The following AGAP1 variants were observed in gnomAD, a reference collection of about 807,000 sequenced individuals.
AGAP1 encodes the protein arf-GAP with GTPase, ANK repeat and PH domain-containing protein 1.
In AGAP1, 29 loss-of-function variants were observed where a neutral mutation model predicts 105.3. The observed-to-expected ratio is 0.28, with a 90% CI of 0.21 to 0.38. The LOEUF (loss-of-function observed/expected upper bound fraction) is 0.38, where lower values mean the gene tolerates loss of function less well. Among genes scored for constraint, AGAP1 ranks in the 10% least tolerant of loss-of-function variants. The probability of loss-of-function intolerance (pLI) is 1.00; values close to 1 mark genes in which losing one functional copy is unlikely to be tolerated. For missense variants in AGAP1, 998 were observed against 1,165.1 expected, an observed-to-expected ratio of 0.86 and a Z score of 2.09; for synonymous variants, 509 against 485.9, an observed-to-expected ratio of 1.05 and a Z score of -0.63.
In AGAP1 at chr2:235,903,684, G is replaced by A. The variant is rs556016601; in HGVS notation, c.1156-5054G>A. Among the ~76,000 whole-genome samples the A allele has an allele frequency of 2.6e-5, 4 of 152,256 alleles. No individual in the cohort carries two copies. In the South Asian group the frequency reaches 8.3e-4, roughly 32 times the overall value. ...GGCCATCAGGCACATAGTGGGATCT[G>A]GGATTGCCAAGACAAGATGTACACA... On this transcript the variant is annotated intron_variant, in intron 10 of 17. Coordinates refer to ENST00000304032, the MANE Select transcript of AGAP1 (RefSeq NM_001037131.3).
At chr2:236,047,184 G>A (rs1164907492) in intron 15 of AGAP1, among the ~76,000 whole-genome samples, 1 of 152,206 alleles carries the variant, frequency 6.6e-6, no homozygotes, top group Non-Finnish European at 1.5e-5. Flanking sequence ...GTGAAACGTT[G>A]GCCACAGGGG....
intron 1 of AGAP1, among the ~76,000 whole-genome samples, chr2:235,528,927 C>T (rs1233195873): frequency 3.3e-5 from 5 of 152,152 alleles, no homozygotes; most frequent in East Asian, 3.9e-4. Context: ...CAGCTCACCT[C>T]GGCTTCCCAA....
At position 236,083,578 on chromosome 2, in the gene AGAP1, A is replaced by C. The variant is rs1196227239; in HGVS notation, c.2114+34297A>C. Among the ~76,000 whole-genome samples the C allele has an allele frequency of 1.3e-5, 2 of 152,178 alleles. No homozygotes were observed. The highest frequency in any genetic ancestry group is 2.9e-5 in the Non-Finnish European group (2 of 68,036). Reference sequence around the variant, plus strand: ...TCCGTATAAATGTGTGCATGCTCACACCCATGCCTACATTAGAAAGAGAAG... The same window carrying C: ...TCCGTATAAATGTGTGCATGCTCACCCCCATGCCTACATTAGAAAGAGAAG... On this transcript the variant is annotated intron_variant, in intron 16 of 17. Coordinates refer to ENST00000304032, the MANE Select transcript of AGAP1 (RefSeq NM_001037131.3). This position sits in a 1 kb window ranked among gnomAD's most constrained non-coding sequence, Gnocchi z 5.3.
Position 236,062,283 on chromosome 2 carries a change from C to T in AGAP1, c.2114+13002C>T, listed in dbSNP as rs113779803. ...TCTTTCCTTTTCCTGGGCTAGGAAA[C>T]TCAGGCCTGTGTCTCCCTGAGCCTG... On this transcript the variant is annotated intron_variant, in intron 16 of 17. Transcript: ENST00000304032. The surrounding 1 kb of genome is among the most constrained non-coding windows in gnomAD (Gnocchi z 4.2). 8.9e-3 allele frequency among the ~76,000 whole-genome samples: 1,350 copies of T among 152,222 alleles called. 9 individuals carry two copies. The highest frequency in any genetic ancestry group is 0.016 in the Non-Finnish European group (1,092 of 68,022).
At chr2:235,819,674 G>A (rs1448884002) in intron 9 of AGAP1, among the ~76,000 whole-genome samples, 1 of 152,018 alleles carries the variant, frequency 6.6e-6, no homozygotes, top group Non-Finnish European at 1.5e-5. Context: ...TTCCTCCGAT[G>A]CCCGTCCGAT....
At chr2:235,529,636 G>A (rs1297639156) in intron 1 of AGAP1, among the ~76,000 whole-genome samples, 5 of 152,326 alleles carry the variant, frequency 3.3e-5, no homozygotes, top group Admixed American at 1.3e-4. Flanking sequence ...CCACATTGAG[G>A]TTATTTCATG....
At chr2:235,674,604 G>T (rs1315571733) in intron 1 of AGAP1, among the ~76,000 whole-genome samples, 3 of 151,870 alleles carry the variant, frequency 2.0e-5, no homozygotes, top group African/African-American at 7.3e-5. Context: ...ATTTACAACT[G>T]ATTTTTGACA....
At position 235,635,740 on chromosome 2, in the gene AGAP1, A is replaced by T. The variant is rs1319815684; in HGVS notation, c.164-73439A>T. ...CCGGAAGTCTGATGCGTGAGGCGGG[A>T]AGGTTAAAACTTGTTGGCTTTGGAG... On this transcript the variant is annotated intron_variant, in intron 1 of 17. Coordinates refer to ENST00000304032, the MANE Select transcript of AGAP1 (RefSeq NM_001037131.3). This position sits in a 1 kb window ranked among gnomAD's most constrained non-coding sequence, Gnocchi z 5.3. Among the ~76,000 whole-genome samples the T allele has an allele frequency of 3.3e-5, 5 of 152,210 alleles. No individual in the cohort carries two copies. In the East Asian group the frequency reaches 9.7e-4, roughly 29 times the overall value.
At position 236,055,025 on chromosome 2, in the gene AGAP1, A is replaced by G. The variant is rs1489164724; in HGVS notation, c.2114+5744A>G. Reference sequence around the variant, plus strand: ...GATTTAATGATCCAAAGGGTAATTAATGGCCTGATTATCTTAATGTTAAAT... The same window carrying G: ...GATTTAATGATCCAAAGGGTAATTAGTGGCCTGATTATCTTAATGTTAAAT... On this transcript the variant is annotated intron_variant, in intron 16 of 17. Coordinates refer to ENST00000304032, the MANE Select transcript of AGAP1 (RefSeq NM_001037131.3). The surrounding 1 kb of genome is among the most constrained non-coding windows in gnomAD (Gnocchi z 6.2). Among the ~76,000 whole-genome samples, 1 of 152,254 alleles carries G rather than the reference A, an allele frequency of 6.6e-6. No individual in the cohort carries two copies. The highest frequency in any genetic ancestry group is 2.4e-5 in the African/African-American group (1 of 41,462).
In AGAP1 at chr2:236,040,768, G is replaced by A; in HGVS notation, c.1818G>A (p.Gln606=). 2 of 1,613,502 alleles carry A rather than the reference G, an allele frequency of 1.2e-6. No homozygotes were observed. Among genetic ancestry groups the A allele is most frequent in the Non-Finnish European group, 1.7e-6 (2 of 1,180,032 alleles). Residue 606 remains glutamine, a synonymous_variant, in exon 15 of 18, where the codon CAG becomes CAA. Coordinates refer to ENST00000304032, the MANE Select transcript of AGAP1 (RefSeq NM_001037131.3). The surrounding 1 kb of genome is among the most constrained non-coding windows in gnomAD (Gnocchi z 5.6). ...SSKNKSRLTS[Q]SEAMALQSIR... ...GTGCCCAGTCCCGGCTGACGAGCCAGAGCGAGGCCATGGCCCTGCAGTCGA... is the reference window on the plus strand; with the variant it reads ...GTGCCCAGTCCCGGCTGACGAGCCAAAGCGAGGCCATGGCCCTGCAGTCGA...
Position 235,888,587 on chromosome 2 carries a change from C to G in AGAP1, c.1155+5138C>G, listed in dbSNP as rs1174129583. 1.3e-5 allele frequency among the ~76,000 whole-genome samples: 2 copies of G among 152,060 alleles called. No individual in the cohort carries two copies. The highest frequency in any genetic ancestry group is 2.9e-5 in the Non-Finnish European group (2 of 68,028). Reference sequence around the variant, plus strand: ...GGTGTGGTGGAGCACACCTGTAGTCCCAGCTACTCAGGAGGCTGAGGCAGG... The same window carrying G: ...GGTGTGGTGGAGCACACCTGTAGTCGCAGCTACTCAGGAGGCTGAGGCAGG... On this transcript the variant is annotated intron_variant, in intron 10 of 17. Transcript: ENST00000304032. The surrounding 1 kb of genome is among the most constrained non-coding windows in gnomAD (Gnocchi z 4.8).
rs2053810366 is a variant in AGAP1 at position 235,953,125 on chromosome 2, T to TA, written c.1484-15337_1484-15336insA. Among the ~76,000 whole-genome samples the TA allele has an allele frequency of 6.6e-6, 1 of 152,218 alleles. No homozygotes were observed. The highest frequency in any genetic ancestry group is 1.5e-5 in the Non-Finnish European group (1 of 68,038). On this transcript the variant is annotated intron_variant, in intron 12 of 17. Coordinates refer to ENST00000304032, the MANE Select transcript of AGAP1 (RefSeq NM_001037131.3). This position sits in a 1 kb window ranked among gnomAD's most constrained non-coding sequence, Gnocchi z 5.2. ...GGCTTGGGAGTCGCAAGGATCCCTTTTCATAATGAAACTTCCTGTCCACAG... is the reference window on the plus strand; with the variant it reads ...GGCTTGGGAGTCGCAAGGATCCCTTTATCATAATGAAACTTCCTGTCCACAG...
chr2:235,852,689 C>T, intron 9 of AGAP1: 5 of 1,488,736 alleles, frequency 3.4e-6, no homozygotes, highest in Non-Finnish European at 4.5e-6. Flanking sequence ...TCCCCAGGGC[C>T]TGCCCTTCTT....
intron 1 of AGAP1, among the ~76,000 whole-genome samples, chr2:235,675,872 G>T (rs565608502): frequency 6.6e-6 from 1 of 152,224 alleles, no homozygotes; most frequent in South Asian, 2.1e-4. Context: ...AAAGAGACTT[G>T]GGCTGGAATA....
In AGAP1 at chr2:235,843,658, C is replaced by A. The variant is rs1961123933; in HGVS notation, c.1050+36327C>A. On this transcript the variant is annotated intron_variant, in intron 9 of 17. Transcript: ENST00000304032. This position sits in a 1 kb window ranked among gnomAD's most constrained non-coding sequence, Gnocchi z 5.9. ...ACCTGGGCTCCCCTCCGCCCTGCAT[C>A]TGAGATCTCTGTTTTAAGGCCAGCT... is the stretch of plus-strand genomic sequence containing the variant. 6.6e-6 allele frequency among the ~76,000 whole-genome samples: 1 copy of A among 152,150 alleles called. No homozygotes were observed. Among genetic ancestry groups the A allele is most frequent in the African/African-American group, 2.4e-5 (1 of 41,424 alleles).
Position 235,905,821 on chromosome 2 carries a change from C to T in AGAP1, c.1156-2917C>T, listed in dbSNP as rs141028111. On this transcript the variant is annotated intron_variant, in intron 10 of 17. Coordinates refer to ENST00000304032, the MANE Select transcript of AGAP1 (RefSeq NM_001037131.3). This position sits in a 1 kb window ranked among gnomAD's most constrained non-coding sequence, Gnocchi z 4.2. The stretch of plus-strand genomic sequence containing the variant: ...GCCTGATGTGCTTTTCATTTGTCAC[C>T]CTCAACACAGCGCAGTCCTGAGAAT... Among the ~76,000 whole-genome samples the T allele has an allele frequency of 2.7e-4, 41 of 152,328 alleles. No individual in the cohort carries two copies. The East Asian group carries it at 7.4e-3, about 27-fold the overall frequency.
chr2:236,095,951 G>A lies in AGAP1; in HGVS notation c.2115-24241G>A, dbSNP rs186080597. 6.7e-4 allele frequency among the ~76,000 whole-genome samples: 102 copies of A among 152,206 alleles called. No homozygotes were observed. Among genetic ancestry groups the A allele is most frequent in the African/African-American group, 2.2e-3 (92 of 41,516 alleles). On this transcript the variant is annotated intron_variant, in intron 16 of 17. Coordinates refer to ENST00000304032, the MANE Select transcript of AGAP1 (RefSeq NM_001037131.3). This position sits in a 1 kb window ranked among gnomAD's most constrained non-coding sequence, Gnocchi z 4.1. Reference sequence around the variant, plus strand: ...ACGCTGCTCTTTTAGAAATTCTTCCGTGATTCAGGGTTCGCCAACATGAGT... The same window carrying A: ...ACGCTGCTCTTTTAGAAATTCTTCCATGATTCAGGGTTCGCCAACATGAGT...
Position 236,002,317 on chromosome 2 carries a change from A to G in AGAP1, c.1645+33694A>G, listed in dbSNP as rs2056155832. The stretch of plus-strand genomic sequence containing the variant: ...CCGTCCTGGAACAGCCGGTGACTCA[A>G]AGCTCAAATATCATCCCCACCTGGA... On this transcript the variant is annotated intron_variant, in intron 13 of 17. Transcript: ENST00000304032. The surrounding 1 kb of genome is among the most constrained non-coding windows in gnomAD (Gnocchi z 4.3). Among the ~76,000 whole-genome samples the G allele has an allele frequency of 6.6e-6, 1 of 152,170 alleles. No individual in the cohort carries two copies. Among genetic ancestry groups the G allele is most frequent in the Admixed American group, 6.5e-5 (1 of 15,290 alleles).
rs1421531782 is a variant in AGAP1 at position 236,027,307 on chromosome 2, C to T, written c.1646-9254C>T. Among the ~76,000 whole-genome samples, 4 of 152,162 alleles carry T rather than the reference C, an allele frequency of 2.6e-5. No homozygotes were observed. The highest frequency in any genetic ancestry group is 9.7e-5 in the African/African-American group (4 of 41,426). On this transcript the variant is annotated intron_variant, in intron 13 of 17. Transcript: ENST00000304032. The surrounding 1 kb of genome is among the most constrained non-coding windows in gnomAD (Gnocchi z 4.4). ...TGGGAAACACATGGGCCTAGCATAG[C>T]TGGATTCCACTCGGCAGTGTTGGTG...
Sources: gnomAD v4.1 joint callset for allele counts (sites outside exome capture counted in the v4.1 genomes callset) on GRCh38, gnomAD v4.1.1 for gene constraint, Gnocchi (gnomAD v3.1) non-coding constraint, MANE v1.5 for transcripts, NCBI Gene and HGNC (gene_info 2026-07-23, HGNC 2026-07-21) for gene names.